RANBP9: variants seen among roughly 807,000 people sequenced by gnomAD.
RANBP9 encodes ran-binding protein 9.
Under a neutral mutation model 84.3 loss-of-function variants are expected in RANBP9, and 15 were observed. The observed-to-expected ratio is 0.18, with a 90% confidence interval of 0.12 to 0.27. The LOEUF (loss-of-function observed/expected upper bound fraction) is 0.27. Ranked by LOEUF, RANBP9 falls within the 10% of genes least tolerant of loss-of-function variation. The probability of loss-of-function intolerance (pLI) is 1.00; values close to 1 mark genes in which losing one functional copy is unlikely to be tolerated. For missense variants in RANBP9, 809 were observed against 912.8 expected, an observed-to-expected ratio of 0.89 and a Z score of 1.46; for synonymous variants, 392 against 349.6, an observed-to-expected ratio of 1.12 and a Z score of -1.35.
intron 5 of RANBP9, among the ~76,000 whole-genome samples, chr6:13,648,157 T>TG: frequency 7.1e-6 from 1 of 141,638 alleles, no homozygotes; most frequent in South Asian, 2.4e-4. Context: ...TTTTTTTTTT[T>TG]TTTTTTTTTT....
At chr6:13,690,495 A>G (rs1019702898) in intron 2 of RANBP9, among the ~76,000 whole-genome samples, 1 of 152,164 alleles carries the variant, frequency 6.6e-6, no homozygotes, top group African/African-American at 2.4e-5. Flanking sequence ...AGCAAGCATA[A>G]AAGGAACATT....
intron 5 of RANBP9, among the ~76,000 whole-genome samples, chr6:13,646,181 A>AG (rs1765171041): frequency 6.6e-6 from 1 of 152,192 alleles, no homozygotes; most frequent in Non-Finnish European, 1.5e-5. Context: ...AGGCTGGGGC[A>AG]GGTAGATCAC....
At chr6:13,636,856 TAC>T (rs1764950976) in intron 10 of RANBP9, among the ~76,000 whole-genome samples, 1 of 152,124 alleles carries the variant, frequency 6.6e-6, no homozygotes, top group Non-Finnish European at 1.5e-5. Context: ...AATTTTCAAA[TAC>T]AGATTTTTTT....
At chr6:13,697,529 T>A (rs189555591) in intron 1 of RANBP9, among the ~76,000 whole-genome samples, 3 of 152,256 alleles carry the variant, frequency 2.0e-5, no homozygotes, top group East Asian at 1.9e-4. Flanking sequence ...ACAACAGAAG[T>A]AACACCATGC....
At chr6:13,662,812 T>G (rs1765561950) in intron 2 of RANBP9, among the ~76,000 whole-genome samples, 1 of 152,168 alleles carries the variant, frequency 6.6e-6, no homozygotes. Flanking sequence ...ACAGAAATTC[T>G]GGAGCTGAAA....
intron 2 of RANBP9, among the ~76,000 whole-genome samples, chr6:13,663,286 G>T (rs1765574033): frequency 6.6e-6 from 1 of 150,896 alleles, no homozygotes; most frequent in South Asian, 2.1e-4. Context: ...GTGCTAAAAA[G>T]AAAAAAAACC....
At chr6:13,675,895 T>G (rs1765875724) in intron 2 of RANBP9, among the ~76,000 whole-genome samples, 1 of 151,976 alleles carries the variant, frequency 6.6e-6, no homozygotes, top group African/African-American at 2.4e-5. Flanking sequence ...TGAAATGGAT[T>G]TCAAGGCAAT....
chr6:13,706,254 A>G (rs1336457023), intron 1 of RANBP9, among the ~76,000 whole-genome samples: 5 of 151,462 alleles, frequency 3.3e-5, no homozygotes. Flanking sequence ...TGAGGCAGGA[A>G]AATGGCGTGA....
intron 2 of RANBP9, among the ~76,000 whole-genome samples, chr6:13,683,127 C>T (rs1766084299): frequency 6.6e-6 from 1 of 152,182 alleles, no homozygotes; most frequent in South Asian, 2.1e-4. Flanking sequence ...AATTACTTCT[C>T]ATCAACCATT....
chr6:13,656,368 T>C (rs1765401471), intron 4 of RANBP9, among the ~76,000 whole-genome samples: 1 of 151,624 alleles, frequency 6.6e-6, no homozygotes, highest in Non-Finnish European at 1.5e-5. Context: ...ACAAAAAGCA[T>C]CAGTGTTATT....
chr6:13,682,539 G>A (rs1293241701), intron 2 of RANBP9, among the ~76,000 whole-genome samples: 4 of 151,516 alleles, frequency 2.6e-5, no homozygotes, highest in African/African-American at 4.8e-5. Context: ...TGCAACCTCC[G>A]CCTCCTGGGT....
chr6:13,648,931 T>C (rs1437078042), intron 5 of RANBP9, among the ~76,000 whole-genome samples: 3 of 152,206 alleles, frequency 2.0e-5, no homozygotes, highest in Non-Finnish European at 1.5e-5. Context: ...TTATACTTAA[T>C]GTCATTTCTC....
intron 5 of RANBP9, among the ~76,000 whole-genome samples, chr6:13,651,368 T>TA (rs759402012): frequency 4.7e-5 from 7 of 149,090 alleles, no homozygotes; most frequent in Non-Finnish European, 7.4e-5. Flanking sequence ...TACTCCCATA[T>TA]AGTTTTTTGT....
At chr6:13,664,671 A>AC (rs1170048475) in intron 2 of RANBP9, among the ~76,000 whole-genome samples, 3 of 152,130 alleles carry the variant, frequency 2.0e-5, no homozygotes, top group African/African-American at 7.2e-5. Flanking sequence ...GGTAACAGAT[A>AC]CCCCCAATAC....
intron 4 of RANBP9, among the ~76,000 whole-genome samples, chr6:13,655,858 G>A (rs950545753): frequency 6.6e-6 from 1 of 152,110 alleles, no homozygotes; most frequent in African/African-American, 2.4e-5. Context: ...ATAAATTCAA[G>A]AGGCCTGTAT....
intron 1 of RANBP9, among the ~76,000 whole-genome samples, chr6:13,697,475 T>C (rs1287327420): frequency 6.6e-6 from 1 of 152,218 alleles, no homozygotes; most frequent in African/African-American, 2.4e-5. Context: ...TAATAGCTTA[T>C]TGAGAAATAC....
intron 10 of RANBP9, 97 bp downstream of exon 10, chr6:13,637,711 G>A: frequency 7.8e-7 from 1 of 1,273,922 alleles, no homozygotes; most frequent in Non-Finnish European, 1.1e-6. Context: ...GAGCCCCTCT[G>A]TGGGTCACAT....
At chr6:13,654,822 C>T (rs1368101392) in intron 4 of RANBP9, among the ~76,000 whole-genome samples, 3 of 152,184 alleles carry the variant, frequency 2.0e-5, no homozygotes, top group Non-Finnish European at 4.4e-5. Context: ...GTAATTTCTG[C>T]TCATCAATGG....
At chr6:13,664,457 C>CTTTTCT (rs150834778) in intron 2 of RANBP9, among the ~76,000 whole-genome samples, 60,455 of 151,064 alleles carry the variant, frequency 0.4, 12,496 homozygotes, top group Admixed American at 0.5. Flanking sequence ...CCACAATAGG[C>CTTTTCT]TTTTCTTTTT....
Sources: allele counts gnomAD v4.1 joint callset (sites outside exome capture counted in the v4.1 genomes callset), GRCh38; gene constraint gnomAD v4.1.1; transcripts MANE v1.5; gene names NCBI Gene and HGNC (gene_info 2026-07-23, HGNC 2026-07-21).